The following FOXI3 variants were observed in gnomAD, a reference collection of about 807,000 sequenced individuals.
The protein encoded by FOXI3 is forkhead box I3.
Under a neutral mutation model 15.6 loss-of-function variants are expected in FOXI3, and 4 were observed. The ratio of observed to expected loss-of-function variants is 0.26; its 90% CI spans 0.13 to 0.59. FOXI3 has a LOEUF of 0.59. FOXI3 is among the 20% of genes least tolerant of loss of function. FOXI3 has a pLI of 0.90. For missense variants in FOXI3, 489 were observed against 548.2 expected (o/e 0.89, Z 1.08); for synonymous variants, 238 against 244.4 (o/e 0.97, Z 0.25).
Position 88,448,743 on chromosome 2 carries a change from C to A in FOXI3, c.727G>T (p.Glu243Ter). 2.6e-6 allele frequency: 4 copies of A among 1,551,930 alleles called. No individual in the cohort carries two copies. Among genetic ancestry groups the A allele is most frequent in the Non-Finnish European group, 3.5e-6 (4 of 1,147,042 alleles). The change falls in exon 2 of 2, where the codon GAG (glutamate) becomes TAG (stop). Residue 243 changes from glutamate to a stop codon, truncating the protein, a stop_gained. Transcript: ENST00000428390. LOFTEE classifies it low-confidence loss of function (END_TRUNC). Reference protein sequence around the residue: ...NFRRKRKRRSEASNGSTVAAG... With the variant: ...NFRRKRKRRS The stretch of plus-strand genomic sequence containing the variant: ...GCCACTGTGGAGCCATTGCTGGCCT[C>A]AGAGCGGCGCTTTCGCTTCCGACGG...
chr2:88,451,277 A>C (rs1270825463), intron 1 of FOXI3, among the ~76,000 whole-genome samples: 2 of 152,176 alleles, frequency 1.3e-5, no homozygotes, highest in African/African-American at 2.4e-5. Flanking sequence ...TAAATTTCTA[A>C]CTAGTTAAGG....
chr2:88,452,655 T>C lies in FOXI3; in HGVS notation c.-120A>G. The C allele has an allele frequency of 5.4e-6, 3 of 560,446 alleles. No homozygotes were observed. The highest frequency in any genetic ancestry group is 7.0e-6 in the Non-Finnish European group (3 of 430,200). The allele number at this position is 560,446 out of a possible 1,614,324, so 34.7% of individuals were successfully genotyped here. ...CCTGCGGCTCCGCCTTCACCCGCGC[T>C]GGGCGCCCGGTGCTCCGGGCCGGGG... On this transcript the variant is annotated 5_prime_UTR_variant, in exon 1 of 2. Transcript: ENST00000428390.
At chr2:88,450,589 AC>A (rs1268386008) in intron 1 of FOXI3, among the ~76,000 whole-genome samples, 1 of 152,196 alleles carries the variant, frequency 6.6e-6, no homozygotes, top group Non-Finnish European at 1.5e-5. Context: ...GTTGGTACCA[AC>A]TTTTTTGATA....
chr2:88,452,649 C>T lies in FOXI3; in HGVS notation c.-114G>A. ...GCCAACCCTGCGGCTCCGCCTTCAC[C>T]CGCGCTGGGCGCCCGGTGCTCCGGG... On this transcript the variant is annotated 5_prime_UTR_variant, in exon 1 of 2. Coordinates refer to ENST00000428390, the MANE Select transcript of FOXI3 (RefSeq NM_001135649.3). The T allele has an allele frequency of 1.7e-6, 1 of 585,350 alleles. No individual in the cohort carries two copies. Among genetic ancestry groups the T allele is most frequent in the South Asian group, 7.4e-5 (1 of 13,596 alleles). 36.3% of individuals were successfully genotyped at this position (585,350 alleles called of 1,614,324 possible).
At position 88,452,691 on chromosome 2, in the gene FOXI3, G is replaced by T; in HGVS notation, c.-156C>A. 6.8e-6 allele frequency: 2 copies of T among 293,982 alleles called. No homozygotes were observed. Among genetic ancestry groups the T allele is most frequent in the Non-Finnish European group, 1.1e-5 (2 of 187,136 alleles). The allele number at this position is 293,982 out of a possible 1,614,324, so 18.2% of individuals were successfully genotyped here. ...TGCTCCGGGCCGGGGTCGGGCGGGT[G>T]CTAGCGGAGCGCCTGCTAGCCGGCC... is the stretch of plus-strand genomic sequence containing the variant. On this transcript the variant is annotated 5_prime_UTR_variant, in exon 1 of 2. Coordinates refer to ENST00000428390, the MANE Select transcript of FOXI3 (RefSeq NM_001135649.3).
Position 88,448,363 on chromosome 2 carries a change from G to T in FOXI3, c.1107C>A (p.Ser369Arg). 6.4e-7 allele frequency: 1 copy of T among 1,551,678 alleles called. No individual in the cohort carries two copies. Among genetic ancestry groups the T allele is most frequent in the Non-Finnish European group, 8.7e-7 (1 of 1,146,976 alleles). ...GGCCGGTGCTATTGCTGGTGCTATT[G>T]CTCAGTTGCAAGGTGTCTGCTGAGG... is the stretch of plus-strand genomic sequence containing the variant. ...SEASADTLQL[S>R]NSTSNSTGQR... Residue 369 changes from serine (S) to arginine (R), a missense_variant, in exon 2 of 2, where the codon AGC becomes AGA. Ser to Arg is a moderately radical substitution (Grantham distance 110, BLOSUM62 -1). Around this residue, in one of 3 missense-constraint regions of FOXI3, gnomAD observed 263 missense variants for 285.5 expected, o/e 0.92. Transcript: ENST00000428390.
Position 88,448,053 on chromosome 2 carries a change from A to T in FOXI3, c.*154T>A. The T allele has an allele frequency of 3.0e-6, 2 of 666,116 alleles. No homozygotes were observed. Among genetic ancestry groups the T allele is most frequent in the Non-Finnish European group, 5.0e-6 (2 of 396,662 alleles). The allele number at this position is 666,116 out of a possible 1,614,324, so 41.3% of individuals were successfully genotyped here. A position where few individuals can be genotyped will look rare whatever the true frequency, so the allele number is the denominator to read the frequency against. ...AAGAGTTATCTACTACACCCTCATT[A>T]CTCCAAGTGTGGTCAAAGGACCACG... On this transcript the variant is annotated 3_prime_UTR_variant, in exon 2 of 2. Coordinates refer to ENST00000428390, the MANE Select transcript of FOXI3 (RefSeq NM_001135649.3).
rs1676075438 is a variant in FOXI3 at position 88,452,624 on chromosome 2, G to A, written c.-89C>T. 1.8e-5 allele frequency: 15 copies of A among 830,702 alleles called. No individual in the cohort carries two copies. The South Asian group carries it at 6.4e-4, about 36-fold the overall frequency. 51.5% of individuals were successfully genotyped at this position (830,702 alleles called of 1,614,324 possible). On this transcript the variant is annotated 5_prime_UTR_variant, in exon 1 of 2. Transcript: ENST00000428390. Reference sequence around the variant, plus strand: ...CTCGGGCGAGAGCATCCCTTTGGGGGCCAACCCTGCGGCTCCGCCTTCACC... The same window carrying A: ...CTCGGGCGAGAGCATCCCTTTGGGGACCAACCCTGCGGCTCCGCCTTCACC...
intron 1 of FOXI3, among the ~76,000 whole-genome samples, chr2:88,449,792 T>A (rs911863627): frequency 7.2e-5 from 11 of 152,162 alleles, no homozygotes; most frequent in African/African-American, 2.7e-4. Flanking sequence ...TTTACACGGA[T>A]AACCTCAGCT....
intron 1 of FOXI3, among the ~76,000 whole-genome samples, chr2:88,450,108 A>T (rs1490982511): frequency 1.3e-5 from 2 of 151,642 alleles, no homozygotes; most frequent in African/African-American, 4.8e-5. Context: ...AGCTGGTATG[A>T]CAGGAGTATA....
rs1573326376 is a variant in FOXI3 at position 88,450,758 on chromosome 2, T to A, written c.640+1138A>T. Among the ~76,000 whole-genome samples the A allele has an allele frequency of 3.9e-5, 6 of 152,272 alleles. 1 individual carries two copies. Among genetic ancestry groups the A allele is most frequent in the Admixed American group, 3.9e-4 (6 of 15,286 alleles). ...CAATACAGTAGCCACTAGCCACGCA[T>A]TATTATTGGGCACTTGAAATATGGC... On this transcript the variant is annotated intron_variant, in intron 1 of 1. Coordinates refer to ENST00000428390, the MANE Select transcript of FOXI3 (RefSeq NM_001135649.3).
chr2:88,450,282 T>A (rs530280238), intron 1 of FOXI3, among the ~76,000 whole-genome samples: 1 of 152,204 alleles, frequency 6.6e-6, no homozygotes, highest in East Asian at 1.9e-4. Context: ...AAATACAAAT[T>A]AGCCGGGCAC....
Position 88,452,601 on chromosome 2 carries a change from C to T in FOXI3, c.-66G>A. 13 of 973,372 alleles carry T rather than the reference C, an allele frequency of 1.3e-5. No individual in the cohort carries two copies. Among genetic ancestry groups the T allele is most frequent in the Non-Finnish European group, 1.6e-5 (13 of 803,936 alleles). 60.3% of individuals were successfully genotyped at this position (973,372 alleles called of 1,614,324 possible). On this transcript the variant is annotated 5_prime_UTR_variant, in exon 1 of 2. Transcript: ENST00000428390. ...GGCGAGCGGGGCTGGTCTCGCCGCT[C>T]GGGCGAGAGCATCCCTTTGGGGGCC...
chr2:88,451,886 C>A lies in FOXI3; in HGVS notation c.640+10G>T. The A allele has an allele frequency of 6.2e-7, 1 of 1,610,938 alleles. No individual in the cohort carries two copies. The highest frequency in any genetic ancestry group is 8.5e-7 in the Non-Finnish European group (1 of 1,178,612). On this transcript the variant is annotated intron_variant, in intron 1 of 1. Transcript: ENST00000428390. ...TCCCCGGCTGGGAAGCACCTGCCAG[C>A]GGCCCTCACCTGGGTCGTCCTCGTC...
rs1675988253 is a variant in FOXI3 at position 88,448,556 on chromosome 2, A to G, written c.914T>C (p.Met305Thr). 1.3e-6 allele frequency: 2 copies of G among 1,551,458 alleles called. No homozygotes were observed. The highest frequency in any genetic ancestry group is 1.7e-6 in the Non-Finnish European group (2 of 1,146,996). Residue 305 changes from methionine (M) to threonine (T), a missense_variant, in exon 2 of 2, where the codon ATG becomes ACG. By Grantham distance (81) the Met-to-Thr change is moderately conservative. Around this residue, in one of 3 missense-constraint regions of FOXI3, gnomAD observed 263 missense variants for 285.5 expected, o/e 0.92. Coordinates refer to ENST00000428390, the MANE Select transcript of FOXI3 (RefSeq NM_001135649.3). Reference sequence around the variant, plus strand: ...GTTGAGACAAGGGGTGGAGGTGAGCATGGGTCCTCCAGGAGATGAGGCAGT... The same window carrying G: ...GTTGAGACAAGGGGTGGAGGTGAGCGTGGGTCCTCCAGGAGATGAGGCAGT... ...KSTASSPGGP[M>T]LTSTPCLNTF...
In FOXI3 at chr2:88,452,127, G is replaced by T; in HGVS notation, c.409C>A (p.Arg137Ser). 2 of 1,549,564 alleles carry T rather than the reference G, an allele frequency of 1.3e-6. No homozygotes were observed. The highest frequency in any genetic ancestry group is 1.2e-5 in the South Asian group (1 of 84,108). The change falls in exon 1 of 2, where the codon CGC becomes AGC. Residue 137 changes from arginine (R) to serine (S), a missense_variant. By Grantham distance (110) the Arg-to-Ser change is moderately radical (BLOSUM62 -1). Around this residue, in one of 3 missense-constraint regions of FOXI3, gnomAD observed 224 missense variants for 245.7 expected, o/e 0.91. Coordinates refer to ENST00000428390, the MANE Select transcript of FOXI3 (RefSeq NM_001135649.3). ...CGCACCATCTTCATCAGGTCCTCGC[G>T]GCTGGCCATGGACAGCCAGCCCAGC... is the stretch of plus-strand genomic sequence containing the variant. ...GELGWLSMAS[R>S]EDLMKMVRPP... is the part of the protein sequence containing the mutation.
Position 88,448,459 on chromosome 2 carries a change from G to T in FOXI3, c.1011C>A (p.Ser337Arg), listed in dbSNP as rs1273782566. ...GGGCCCCCTGGATCCCTAGGTGGCG[G>T]CTGCCAGGGAGAGCCCGCTGGGTAC... Reference protein sequence around the residue: ...SVSTQRALPGSRHLGIQGAQL... With the variant: ...SVSTQRALPGRRHLGIQGAQL... The change falls in exon 2 of 2, where the codon AGC becomes AGA. Residue 337 changes from serine (S) to arginine (R), a missense_variant. This residue lies in a region of FOXI3 where 263 missense variants were observed against 285.5 expected (regional missense o/e 0.92). Transcript: ENST00000428390. 6.4e-6 allele frequency: 10 copies of T among 1,551,590 alleles called. 1 individual carries two copies. The highest frequency in any genetic ancestry group is 2.0e-5 in the Admixed American group (1 of 50,990).
chr2:88,451,563 A>G (rs955768073), intron 1 of FOXI3, among the ~76,000 whole-genome samples: 3 of 152,140 alleles, frequency 2.0e-5, no homozygotes, highest in African/African-American at 7.2e-5. Flanking sequence ...GCTCCCTTGT[A>G]AGTAGACCCT....
intron 1 of FOXI3, 122 bp downstream of exon 1, chr2:88,451,774 C>G (rs894733126): frequency 7.0e-7 from 1 of 1,431,060 alleles, no homozygotes; most frequent in African/African-American, 1.4e-5. Context: ...CATCCGCTCC[C>G]ACCCGCAGCC....
Sources: allele counts gnomAD v4.1 joint callset (sites outside exome capture counted in the v4.1 genomes callset), GRCh38; gene constraint gnomAD v4.1.1; regional missense constraint gnomAD v4.1.1; transcripts MANE v1.5; gene names NCBI Gene and HGNC (gene_info 2026-07-23, HGNC 2026-07-21).